Variants in CATSPERB observed in about 807,000 individuals in gnomAD.
CATSPERB encodes catsper channel auxiliary subunit beta, also known as cation channel sperm-associated auxiliary subunit beta.
CATSPERB carries 93 observed loss-of-function variants against 128.3 expected under a neutral mutation model. The ratio of observed to expected loss-of-function variants is 0.72; its 90% CI spans 0.61 to 0.86. The LOEUF (loss-of-function observed/expected upper bound fraction) is 0.86. Among genes scored for constraint, CATSPERB ranks in the 40% least tolerant of loss-of-function variants. The pLI, the probability that CATSPERB is intolerant of heterozygous loss-of-function variation, is 0.00. For synonymous variants in CATSPERB, 381 were observed against 448.8 expected (o/e 0.85, Z 1.91); for missense variants, 1,153 against 1,329.5 (o/e 0.87, Z 2.06).
At chr14:91,681,742 TG>T (rs1444135568) in intron 11 of CATSPERB, among the ~76,000 whole-genome samples, 1 of 152,148 alleles carries the variant, frequency 6.6e-6, no homozygotes, top group East Asian at 1.9e-4. Flanking sequence ...AACAAGGACC[TG>T]ACTGGCAGCT....
intron 4 of CATSPERB, among the ~76,000 whole-genome samples, chr14:91,721,420 A>G (rs561770788): frequency 6.6e-6 from 1 of 152,378 alleles, no homozygotes; most frequent in Admixed American, 6.5e-5. Context: ...ATTTGAATAG[A>G]TATTTCTCCA....
rs184058038 is a variant in CATSPERB at position 91,705,052 on chromosome 14, C to T, written c.467-351G>A. 5.5e-4 allele frequency among the ~76,000 whole-genome samples: 84 copies of T among 152,096 alleles called. 1 individual carries two copies. Among genetic ancestry groups the T allele is most frequent in the African/African-American group, 2.0e-3 (81 of 41,484 alleles). On this transcript the variant is annotated intron_variant, in intron 6 of 26. Transcript: ENST00000256343. ...ATACGCACATTTATAACTTCTGAGCCCACTCATTTACTTTTTGTTCTCTTC... is the reference window on the plus strand; with the variant it reads ...ATACGCACATTTATAACTTCTGAGCTCACTCATTTACTTTTTGTTCTCTTC...
intron 15 of CATSPERB, among the ~76,000 whole-genome samples, chr14:91,656,426 G>C (rs913986445): frequency 2.0e-5 from 3 of 151,958 alleles, no homozygotes; most frequent in Non-Finnish European, 4.4e-5. Flanking sequence ...AGATATTATG[G>C]TAACCTAGAA....
At chr14:91,699,100 A>T (rs1245464567) in intron 7 of CATSPERB, among the ~76,000 whole-genome samples, 1 of 152,096 alleles carries the variant, frequency 6.6e-6, no homozygotes, top group Non-Finnish European at 1.5e-5. Flanking sequence ...TTATCTGTTC[A>T]TTAGTTGATG....
intron 5 of CATSPERB, chr14:91,709,269 C>T (rs149262955): frequency 9.9e-5 from 15 of 152,186 alleles, no homozygotes; most frequent in African/African-American, 2.9e-4. Context: ...AGGAGATTCC[C>T]GTGCTACTGG....
chr14:91,716,712 TACACACACACACACACACACAC>T lies in CATSPERB; in HGVS notation c.370+2684_370+2705del, dbSNP rs34934524. ...TTATATGCATACATATTTACAAGCA[TACACACACACACACACACACAC>T]ACACACACACACACAGACACACACA... On this transcript the variant is annotated intron_variant, in intron 5 of 26. Transcript: ENST00000256343. 2.9e-5 allele frequency among the ~76,000 whole-genome samples: 4 copies of T among 137,628 alleles called. No individual in the cohort carries two copies. The East Asian group carries it at 6.2e-4, about 21-fold the overall frequency. 90.3% of individuals were successfully genotyped at this position (137,628 alleles called of 152,430 possible). A position where few individuals can be genotyped will look rare whatever the true frequency, so the allele number is the denominator to read the frequency against.
intron 15 of CATSPERB, among the ~76,000 whole-genome samples, chr14:91,641,247 C>A (rs1487388908): frequency 6.7e-6 from 1 of 150,216 alleles, no homozygotes; most frequent in Non-Finnish European, 1.5e-5. Flanking sequence ...TTAATTAGAT[C>A]CCATTTGTCA....
chr14:91,605,059 C>CT, intron 22 of CATSPERB: 3 of 1,210,656 alleles, frequency 2.5e-6, no homozygotes, highest in Non-Finnish European at 3.7e-6. Context: ...CCTTGTCTTC[C>CT]TTTTTTCTGG....
intron 4 of CATSPERB, among the ~76,000 whole-genome samples, chr14:91,722,602 T>A (rs367783523): frequency 1.3e-5 from 2 of 152,272 alleles, no homozygotes. Flanking sequence ...CACAACTCTA[T>A]GAATATACTA....
rs929322198 is a variant in CATSPERB at position 91,581,179 on chromosome 14, C to A, written c.3133-72G>T. 3.6e-5 allele frequency: 45 copies of A among 1,245,372 alleles called. No homozygotes were observed. The South Asian group carries it at 5.9e-4, about 16-fold the overall frequency. The allele number at this position is 1,245,372 out of a possible 1,614,324, so 77.1% of individuals were successfully genotyped here. ...GCAAAACACTGAAAATTTAATGTTC[C>A]CCACAATTAATCGGAGAGCAAAACG... On this transcript the variant is annotated intron_variant, in intron 26 of 26. Coordinates refer to ENST00000256343, the MANE Select transcript of CATSPERB (RefSeq NM_024764.4).
At chr14:91,595,758 C>T (rs1314909270) in intron 22 of CATSPERB, among the ~76,000 whole-genome samples, 1 of 152,206 alleles carries the variant, frequency 6.6e-6, no homozygotes, top group Non-Finnish European at 1.5e-5. Flanking sequence ...ACCAATTCCT[C>T]CAATTGTGTC....
In CATSPERB at chr14:91,624,993, GC is replaced by G; in HGVS notation, c.1756del (p.Ala586LeufsTer3). On this transcript the variant is annotated frameshift_variant, in exon 18 of 27. Coordinates refer to ENST00000256343, the MANE Select transcript of CATSPERB (RefSeq NM_024764.4). LOFTEE classifies it high-confidence loss of function. ...ATGTTGCAATACCTTTCTTATGTAA[GC>G]TCTTCCAGTTTTCCTAAAAACAAAT... is the stretch of plus-strand genomic sequence containing the variant. ...KVIHSGKTGR[A>X]YIRKVLQHTT... 1 of 1,575,750 alleles carries G rather than the reference GC, an allele frequency of 6.3e-7. No individual in the cohort carries two copies. Among genetic ancestry groups the G allele is most frequent in the East Asian group, 2.3e-5 (1 of 44,106 alleles).
At chr14:91,715,319 T>C (rs889027793) in intron 5 of CATSPERB, among the ~76,000 whole-genome samples, 4 of 151,994 alleles carry the variant, frequency 2.6e-5, no homozygotes, top group Non-Finnish European at 5.9e-5. Flanking sequence ...CCTAGCACTT[T>C]GGGAGGCCGA....
intron 7 of CATSPERB, among the ~76,000 whole-genome samples, chr14:91,695,252 C>T (rs1411836085): frequency 1.3e-5 from 2 of 151,914 alleles, no homozygotes; most frequent in African/African-American, 2.4e-5. Flanking sequence ...GCCTCATCCT[C>T]CTGAGTAGCT....
intron 20 of CATSPERB, among the ~76,000 whole-genome samples, chr14:91,613,699 GC>G (rs1168692524): frequency 6.6e-6 from 1 of 152,182 alleles, no homozygotes; most frequent in Non-Finnish European, 1.5e-5. Flanking sequence ...CATGGACTGG[GC>G]TTATCAGGCT....
chr14:91,617,772 T>G (rs531420053), intron 19 of CATSPERB, 36 bp from the exon 20 acceptor site: 1 of 1,442,184 alleles, frequency 6.9e-7, no homozygotes, highest in South Asian at 1.3e-5. Flanking sequence ...TATTAGATAA[T>G]GAAAACTGTA....
intron 14 of CATSPERB, among the ~76,000 whole-genome samples, chr14:91,661,761 C>T (rs139957979): frequency 6.6e-6 from 1 of 151,752 alleles, no homozygotes; most frequent in Non-Finnish European, 1.5e-5. Context: ...CGGGCTCAAG[C>T]GATTCTCCTG....
At chr14:91,592,065 T>C in intron 22 of CATSPERB, 63 bp from the exon 23 acceptor site, 2 of 950,358 alleles carry the variant, frequency 2.1e-6, no homozygotes, top group Non-Finnish European at 1.7e-6. Context: ...TGCAAACTGA[T>C]AAATATCTAA....
At chr14:91,651,751 A>G (rs1394446503) in intron 15 of CATSPERB, among the ~76,000 whole-genome samples, 1 of 152,204 alleles carries the variant, frequency 6.6e-6, no homozygotes, top group African/African-American at 2.4e-5. Context: ...GAGTAGCTGC[A>G]GTTGATTACA....
Sources: gnomAD v4.1 joint callset for allele counts (sites outside exome capture counted in the v4.1 genomes callset) on GRCh38, gnomAD v4.1.1 for gene constraint, MANE v1.5 for transcripts, NCBI Gene and HGNC (gene_info 2026-07-23, HGNC 2026-07-21) for gene names.